Variants in ADAMTSL1 observed in about 807,000 individuals in gnomAD.
ADAMTSL1 encodes the protein ADAMTS like 1.
A neutral mutation model predicts 201.8 loss-of-function variants in ADAMTSL1; 126 were observed. The ratio of observed to expected loss-of-function variants is 0.62; its 90% CI spans 0.54 to 0.72. ADAMTSL1 has a LOEUF of 0.72. Among genes scored for constraint, ADAMTSL1 ranks in the 30% least tolerant of loss-of-function variants. The probability of loss-of-function intolerance (pLI) is 0.00; values close to 1 mark genes in which losing one functional copy is unlikely to be tolerated. For missense variants in ADAMTSL1, 2,679 were observed against 2,277.8 expected (o/e 1.18, Z -3.59); for synonymous variants, 1,121 against 903.4 (o/e 1.24, Z -4.32).
At chr9:17,989,578 C>G (rs932092733) in intron 1 of ADAMTSL1, among the ~76,000 whole-genome samples, 1 of 151,992 alleles carries the variant, frequency 6.6e-6, no homozygotes, top group African/African-American at 2.4e-5. Flanking sequence ...GTGATGCACA[C>G]TTTAAAGCCT....
chr9:18,110,503 C>T (rs530360025), intron 1 of ADAMTSL1, among the ~76,000 whole-genome samples: 2 of 152,230 alleles, frequency 1.3e-5, no homozygotes, highest in East Asian at 3.9e-4. Flanking sequence ...CTGCTTTGTA[C>T]CACCCTTTGA....
chr9:17,978,034 C>G (rs562677812), intron 1 of ADAMTSL1, among the ~76,000 whole-genome samples: 1 of 151,918 alleles, frequency 6.6e-6, no homozygotes, highest in East Asian at 1.9e-4. Flanking sequence ...TTAATTGACC[C>G]CTTTAAAAAA....
At chr9:17,985,942 C>T (rs1818911734) in intron 1 of ADAMTSL1, among the ~76,000 whole-genome samples, 2 of 152,196 alleles carry the variant, frequency 1.3e-5, no homozygotes, top group South Asian at 4.2e-4. Context: ...GACTCTTGTT[C>T]CAGTGTTCCT....
intron 15 of ADAMTSL1, among the ~76,000 whole-genome samples, chr9:18,722,124 C>G (rs551573592): frequency 6.8e-6 from 1 of 147,958 alleles, no homozygotes; most frequent in African/African-American, 2.4e-5. Context: ...GCAGATTCAT[C>G]GTAGCATGCT....
chr9:18,900,075 TAAA>T (rs1319772789), intron 26 of ADAMTSL1, among the ~76,000 whole-genome samples: 1 of 151,978 alleles, frequency 6.6e-6, no homozygotes, highest in South Asian at 2.1e-4. Flanking sequence ...AAGAGGAACT[TAAA>T]AAAATTTACA....
At chr9:18,056,268 G>A (rs1237408941) in intron 1 of ADAMTSL1, among the ~76,000 whole-genome samples, 2 of 151,952 alleles carry the variant, frequency 1.3e-5, no homozygotes, top group Admixed American at 6.6e-5. Flanking sequence ...GGTATGAAAT[G>A]TTAATGTGGA....
At chr9:18,216,634 C>A (rs1480859672) in intron 2 of ADAMTSL1, among the ~76,000 whole-genome samples, 3 of 147,090 alleles carry the variant, frequency 2.0e-5, no homozygotes, top group African/African-American at 7.4e-5. Flanking sequence ...CAGTGACATA[C>A]AACTCTTGCT....
chr9:18,240,511 T>C (rs917446323), intron 2 of ADAMTSL1, among the ~76,000 whole-genome samples: 7 of 152,074 alleles, frequency 4.6e-5, no homozygotes, highest in Non-Finnish European at 1.0e-4. Context: ...GGATGGGAAA[T>C]GAGCATTTTC....
At chr9:18,702,184 C>T (rs1396985295) in intron 13 of ADAMTSL1, among the ~76,000 whole-genome samples, 3 of 152,196 alleles carry the variant, frequency 2.0e-5, no homozygotes, top group African/African-American at 7.2e-5. Context: ...CATCTCCCAT[C>T]AGGTCCCTCC....
chr9:18,221,630 A>G (rs552332201), intron 2 of ADAMTSL1, among the ~76,000 whole-genome samples: 2 of 152,238 alleles, frequency 1.3e-5, no homozygotes, highest in East Asian at 3.9e-4. Flanking sequence ...AATTGTTGTT[A>G]TAATTTAGTT....
intron 21 of ADAMTSL1, 182 bp from the exon 22 acceptor site, chr9:18,826,102 A>G: frequency 1.5e-6 from 1 of 664,322 alleles, no homozygotes; most frequent in Non-Finnish European, 2.6e-6. Context: ...GGTCACCCTG[A>G]AGTCTATATC....
At chr9:18,314,051 C>A (rs200656240) in intron 2 of ADAMTSL1, among the ~76,000 whole-genome samples, 1 of 152,038 alleles carries the variant, frequency 6.6e-6, no homozygotes, top group Non-Finnish European at 1.5e-5. Flanking sequence ...CCAAGGACAA[C>A]GTAAAAACGC....
intron 2 of ADAMTSL1, among the ~76,000 whole-genome samples, chr9:18,372,991 G>C (rs557152120): frequency 6.6e-6 from 1 of 152,288 alleles, no homozygotes; most frequent in African/African-American, 2.4e-5. Context: ...CCTAAAGTGA[G>C]AGTGAGGCTG....
chr9:18,709,807 T>C lies in ADAMTSL1; in HGVS notation c.1876+2759T>C, dbSNP rs540175965. On this transcript the variant is annotated intron_variant, in intron 14 of 28. Coordinates refer to ENST00000380548, the MANE Select transcript of ADAMTSL1 (RefSeq NM_001040272.6). ...TGTATTGAACTCCTAGACAGTAAAA[T>C]CCACGTTAAAATCTAGCTGGGGGAA... Among the ~76,000 whole-genome samples the C allele has an allele frequency of 3.7e-4, 56 of 152,264 alleles. 1 individual carries two copies. The South Asian group carries it at 0.011, about 30-fold the overall frequency.
intron 2 of ADAMTSL1, among the ~76,000 whole-genome samples, chr9:18,349,614 A>G (rs1835874983): frequency 6.6e-6 from 1 of 152,148 alleles, no homozygotes; most frequent in Non-Finnish European, 1.5e-5. Context: ...TTAGTGGAAA[A>G]TATTTGGTAT....
chr9:18,664,838 T>A (rs751535462), intron 9 of ADAMTSL1, among the ~76,000 whole-genome samples: 3 of 152,090 alleles, frequency 2.0e-5, no homozygotes, highest in Non-Finnish European at 4.4e-5. Context: ...TCATTTGTTG[T>A]TAAATTAATG....
At chr9:18,193,690 C>T (rs1042763477) in intron 2 of ADAMTSL1, among the ~76,000 whole-genome samples, 6 of 152,082 alleles carry the variant, frequency 3.9e-5, no homozygotes, top group Middle Eastern at 6.3e-3. Flanking sequence ...AAGGACAGGC[C>T]GTCTGTTTGG....
chr9:18,426,133 A>T (rs774224141), intron 2 of ADAMTSL1, among the ~76,000 whole-genome samples: 4 of 152,128 alleles, frequency 2.6e-5, no homozygotes, highest in Admixed American at 6.5e-5. Flanking sequence ...TCAGAATCAT[A>T]TAGATCAGAT....
chr9:18,834,574 A>G (rs919718777), intron 23 of ADAMTSL1, among the ~76,000 whole-genome samples: 2 of 152,104 alleles, frequency 1.3e-5, no homozygotes, highest in African/African-American at 4.8e-5. Context: ...TAATGAACAT[A>G]TTTTATCAGC....
Sources: gnomAD v4.1 joint callset for allele counts (sites outside exome capture counted in the v4.1 genomes callset) on GRCh38, gnomAD v4.1.1 for gene constraint, MANE v1.5 for transcripts, NCBI Gene and HGNC (gene_info 2026-07-23, HGNC 2026-07-21) for gene names.